The following FAM53B variants were observed in gnomAD, a reference collection of about 807,000 sequenced individuals.
The protein encoded by FAM53B is protein FAM53B.
FAM53B carries 12 observed loss-of-function variants against 32.7 expected under a neutral mutation model. The observed-to-expected ratio is 0.37, with a 90% CI of 0.24 to 0.59. The LOEUF is 0.59. Among genes scored for constraint, FAM53B ranks in the 20% least tolerant of loss-of-function variants. The pLI is 0.72. For synonymous variants in FAM53B, 234 were observed against 228.7 expected, an observed-to-expected ratio of 1.02 and a Z score of -0.21; for missense variants, 477 against 577.7, an observed-to-expected ratio of 0.83 and a Z score of 1.79.
chr10:124,707,510 G>A (rs1340832192), intron 1 of FAM53B, among the ~76,000 whole-genome samples: 2 of 152,218 alleles, frequency 1.3e-5, no homozygotes, highest in Non-Finnish European at 2.9e-5. Flanking sequence ...AGCTTAGGCA[G>A]GTGGATCACC....
chr10:124,627,119 G>A (rs1377349126), intron 4 of FAM53B, among the ~76,000 whole-genome samples: 1 of 152,216 alleles, frequency 6.6e-6, no homozygotes. Flanking sequence ...AGAAAGCCAA[G>A]AACCACCCAC....
chr10:124,716,394 T>C (rs1950038500), intron 1 of FAM53B, among the ~76,000 whole-genome samples: 2 of 152,350 alleles, frequency 1.3e-5, no homozygotes, highest in Admixed American at 6.5e-5. Flanking sequence ...ACTGAGCTGC[T>C]GAACCAAATC....
chr10:124,631,118 C>T (rs1039326524), intron 4 of FAM53B, among the ~76,000 whole-genome samples: 3 of 152,240 alleles, frequency 2.0e-5, no homozygotes, highest in African/African-American at 7.2e-5. Flanking sequence ...GGTCTCCACA[C>T]CCCCAGCCAT....
intron 3 of FAM53B, among the ~76,000 whole-genome samples, chr10:124,688,178 C>T (rs1205792430): frequency 6.6e-6 from 1 of 152,162 alleles, no homozygotes; most frequent in Non-Finnish European, 1.5e-5. Context: ...CCACTTTCTC[C>T]CTGAGAACAC....
At chr10:124,740,021 G>A (rs1273994788) in intron 1 of FAM53B, among the ~76,000 whole-genome samples, 1 of 152,116 alleles carries the variant, frequency 6.6e-6, no homozygotes. Flanking sequence ...AAAAGCTCAA[G>A]TATCTCCAAT....
At chr10:124,636,312 G>A (rs1290099095) in intron 4 of FAM53B, among the ~76,000 whole-genome samples, 1 of 151,736 alleles carries the variant, frequency 6.6e-6, no homozygotes, top group Non-Finnish European at 1.5e-5. Flanking sequence ...ACGGCACTTT[G>A]CAAAATCTGT....
intron 4 of FAM53B, among the ~76,000 whole-genome samples, chr10:124,629,466 T>C (rs1949377194): frequency 6.6e-6 from 1 of 152,078 alleles, no homozygotes; most frequent in Non-Finnish European, 1.5e-5. Context: ...CTACCTCGAG[T>C]CCCTCTGAGA....
chr10:124,619,814 G>A lies in FAM53B; in HGVS notation c.*3428C>T, dbSNP rs1949294479. On this transcript the variant is annotated 3_prime_UTR_variant, in exon 5 of 5. Transcript: ENST00000337318. ...CGGCCAGCCTGCTGCATCCCTGCCG[G>A]CTGACGTCTGGAGTGACCGTCATTC... The A allele has an allele frequency of 6.6e-6, 1 of 152,652 alleles. No individual in the cohort carries two copies. Among genetic ancestry groups the A allele is most frequent in the Non-Finnish European group, 1.5e-5 (1 of 68,074 alleles). 9.5% of individuals were successfully genotyped at this position (152,652 alleles called of 1,614,324 possible). A position where few individuals can be genotyped will look rare whatever the true frequency, so the allele number is the denominator to read the frequency against.
At chr10:124,737,140 C>T (rs1300040680) in intron 1 of FAM53B, among the ~76,000 whole-genome samples, 2 of 152,190 alleles carry the variant, frequency 1.3e-5, no homozygotes, top group African/African-American at 4.8e-5. Context: ...ACACTGGACA[C>T]CCAGCAGATG....
At chr10:124,713,922 C>G (rs1354001311) in intron 1 of FAM53B, 2 of 152,172 alleles carry the variant, frequency 1.3e-5, no homozygotes, top group Non-Finnish European at 2.9e-5. Flanking sequence ...GAGGGGAAGA[C>G]AGCAATTCCA....
intron 4 of FAM53B, among the ~76,000 whole-genome samples, chr10:124,654,327 C>A (rs925860065): frequency 2.6e-5 from 4 of 152,220 alleles, no homozygotes; most frequent in African/African-American, 9.6e-5. Context: ...TGGGTCTGAG[C>A]GGACTTCCTC....
At chr10:124,707,212 G>A (rs1236630097) in intron 1 of FAM53B, among the ~76,000 whole-genome samples, 1 of 152,190 alleles carries the variant, frequency 6.6e-6, no homozygotes. Context: ...GCATACTCAA[G>A]TCATGTGACA....
chr10:124,692,668 A>C (rs1949841471), intron 3 of FAM53B, among the ~76,000 whole-genome samples: 2 of 140,384 alleles, frequency 1.4e-5, no homozygotes, highest in South Asian at 4.8e-4. Context: ...TGAGACAAGA[A>C]TGCGCCACTG....
Position 124,623,157 on chromosome 10 carries a change from G to C in FAM53B, c.*85C>G. The C allele has an allele frequency of 1.4e-6, 2 of 1,474,586 alleles. No individual in the cohort carries two copies. The highest frequency in any genetic ancestry group is 9.1e-7 in the Non-Finnish European group (1 of 1,104,370). 91.3% of individuals were successfully genotyped at this position (1,474,586 alleles called of 1,614,324 possible). A position where few individuals can be genotyped will look rare whatever the true frequency, so the allele number is the denominator to read the frequency against. On this transcript the variant is annotated 3_prime_UTR_variant, in exon 5 of 5. Coordinates refer to ENST00000337318, the MANE Select transcript of FAM53B (RefSeq NM_014661.4). ...AAGCTTTCATCAGGCCCACGAGTTG[G>C]GCTCCCCTTCAAGGGCCCACCTAGT...
intron 4 of FAM53B, among the ~76,000 whole-genome samples, chr10:124,656,941 T>G (rs1807673692): frequency 6.6e-6 from 1 of 151,556 alleles, no homozygotes; most frequent in Non-Finnish European, 1.5e-5. Flanking sequence ...CTAATGTAAA[T>G]GACGAGTTAA....
intron 3 of FAM53B, among the ~76,000 whole-genome samples, chr10:124,690,074 G>C (rs1949824347): frequency 6.6e-6 from 1 of 152,270 alleles, no homozygotes; most frequent in African/African-American, 2.4e-5. Context: ...GAAACGGGCA[G>C]CTGCTGGTGA....
intron 1 of FAM53B, among the ~76,000 whole-genome samples, chr10:124,719,923 G>A (rs1336650846): frequency 6.6e-6 from 1 of 152,192 alleles, no homozygotes; most frequent in Non-Finnish European, 1.5e-5. Context: ...AGCACTTTGG[G>A]AGGCCAAGGC....
chr10:124,703,077 T>C (rs992524536), intron 2 of FAM53B, among the ~76,000 whole-genome samples: 4 of 152,070 alleles, frequency 2.6e-5, no homozygotes, highest in African/African-American at 9.7e-5. Flanking sequence ...AGTCTCACTC[T>C]GTCGCCCAGG....
At chr10:124,714,292 G>A (rs1425477859) in intron 1 of FAM53B, 1 of 152,058 alleles carries the variant, frequency 6.6e-6, no homozygotes, top group Non-Finnish European at 1.5e-5. Flanking sequence ...AGTTGATACT[G>A]GAAAGAGAGT....
Sources: allele counts gnomAD v4.1 joint callset (sites outside exome capture counted in the v4.1 genomes callset), GRCh38; gene constraint gnomAD v4.1.1; transcripts MANE v1.5; gene names NCBI Gene and HGNC (gene_info 2026-07-23, HGNC 2026-07-21).